GNG2: variants seen among roughly 807,000 people sequenced by gnomAD.
GNG2 encodes guanine nucleotide-binding protein G(I)/G(S)/G(O) subunit gamma-2.
In GNG2, 5 loss-of-function variants were observed where a neutral mutation model predicts 5.5. That is an observed-to-expected ratio of 0.91 (90% confidence interval 0.48 to 1.92). The LOEUF (loss-of-function observed/expected upper bound fraction) is 1.92. Among genes scored for constraint, GNG2 ranks in the 30% most tolerant of loss-of-function variants. The pLI is 0.01. For missense variants in GNG2, 55 were observed against 88.4 expected (o/e 0.62, Z 1.52); for synonymous variants, 28 against 32.0 (o/e 0.88, Z 0.42).
At chr14:51,832,607 A>G (rs1334499079) in intron 2 of GNG2, among the ~76,000 whole-genome samples, 1 of 152,236 alleles carries the variant, frequency 6.6e-6, no homozygotes, top group Non-Finnish European at 1.5e-5. Flanking sequence ...GAGGTCCAAG[A>G]TCAAGGTGCT....
At chr14:51,912,358 C>A (rs1886348803) in intron 2 of GNG2, among the ~76,000 whole-genome samples, 1 of 152,166 alleles carries the variant, frequency 6.6e-6, no homozygotes, top group Non-Finnish European at 1.5e-5. Flanking sequence ...CACCCCAACC[C>A]CCAAAATCCC....
At chr14:51,953,934 G>A (rs112465252) in intron 3 of GNG2, among the ~76,000 whole-genome samples, 22 of 152,230 alleles carry the variant, frequency 1.4e-4, no homozygotes, top group African/African-American at 2.2e-4. Context: ...CTTTATATAC[G>A]TCTGGCAGAA....
At chr14:51,875,832 TA>T (rs201555618) in intron 1 of GNG2, among the ~76,000 whole-genome samples, 2,089 of 151,500 alleles carry the variant, frequency 0.014, 24 homozygotes, top group Non-Finnish European at 0.019. Flanking sequence ...TACTTTATAA[TA>T]AAATAACCTT....
At chr14:51,899,623 TA>T in intron 2 of GNG2, among the ~76,000 whole-genome samples, 1 of 152,190 alleles carries the variant, frequency 6.6e-6, no homozygotes, top group Non-Finnish European at 1.5e-5. Context: ...AAAAAATTTT[TA>T]AAAATTTAAA....
rs540204195 is a variant in GNG2, at chr14:51,847,881, CTTTTTTTTTT to C, written c.64+20092_64+20101del. Reference sequence around the variant, plus strand: ...TACTCTATGAATACAGGTCCTTTTTCTTTTTTTTTTTTTTTTTTTTTTTTTTTGTAAAATG... The same window carrying C: ...TACTCTATGAATACAGGTCCTTTTTCTTTTTTTTTTTTTTTTTGTAAAATG... On this transcript the variant is annotated intron_variant, in intron 2 of 3. Coordinates refer to the GNG2 transcript ENST00000553432. Among the ~76,000 whole-genome samples, 27 of 48,202 alleles carry C rather than the reference CTTTTTTTTTT, an allele frequency of 5.6e-4. 1 individual carries two copies. The highest frequency in any genetic ancestry group is 1.2e-3 in the African/African-American group (23 of 18,480). The allele number at this position is 48,202 out of a possible 152,430, so 31.6% of individuals were successfully genotyped here. A position where few individuals can be genotyped will look rare whatever the true frequency, so the allele number is the denominator to read the frequency against.
At chr14:51,888,919 T>A (rs1192194992) in intron 2 of GNG2, among the ~76,000 whole-genome samples, 1 of 152,100 alleles carries the variant, frequency 6.6e-6, no homozygotes, top group Non-Finnish European at 1.5e-5. Flanking sequence ...TGCTACAACA[T>A]GGATGAACCC....
At chr14:51,955,561 G>A (rs1889228385) in intron 3 of GNG2, among the ~76,000 whole-genome samples, 1 of 152,132 alleles carries the variant, frequency 6.6e-6, no homozygotes, top group African/African-American at 2.4e-5. Context: ...CTTTAAATTT[G>A]TGTATTAAGA....
chr14:51,838,187 T>C (rs543257158), intron 2 of GNG2, among the ~76,000 whole-genome samples: 76 of 152,318 alleles, frequency 5.0e-4, no homozygotes, highest in Non-Finnish European at 1.0e-3. Flanking sequence ...TTAATGCCTG[T>C]AATCCCAGCA....
chr14:51,918,050 A>T (rs1886762634), intron 2 of GNG2, among the ~76,000 whole-genome samples: 1 of 152,000 alleles, frequency 6.6e-6, no homozygotes, highest in South Asian at 2.1e-4. Context: ...AAAAAAAAAA[A>T]AAAACTGATA....
intron 2 of GNG2, 54 bp downstream of exon 2, chr14:51,877,711 A>G (rs886484316): frequency 4.5e-6 from 2 of 444,184 alleles, no homozygotes; most frequent in African/African-American, 2.0e-5. Context: ...CAGAACTTAA[A>G]GAGGAAAAAA....
intron 2 of GNG2, among the ~76,000 whole-genome samples, chr14:51,920,958 T>C (rs1648050872): frequency 6.6e-6 from 1 of 152,344 alleles, no homozygotes; most frequent in Non-Finnish European, 1.5e-5. Flanking sequence ...ATTTTGGTTC[T>C]GCTGCAAACA....
At chr14:51,863,956 A>T (rs1454740405) in intron 1 of GNG2, among the ~76,000 whole-genome samples, 1 of 152,202 alleles carries the variant, frequency 6.6e-6, no homozygotes. Flanking sequence ...GGCTATTGTA[A>T]ATAATACTGC....
intron 2 of GNG2, chr14:51,914,259 G>A (rs1886472462): frequency 1.4e-6 from 1 of 702,228 alleles, no homozygotes. Context: ...ACATAAAACG[G>A]ACAAGCCAGA....
chr14:51,966,962 G>GCCCCCCCCCCCCCCC lies in GNG2; in HGVS notation c.*285_*286insCCCCCCCCCCCCCCC, dbSNP rs58532727. 2 of 106,164 alleles carry GCCCCCCCCCCCCCCC rather than the reference G, an allele frequency of 1.9e-5. No individual in the cohort carries two copies. Among genetic ancestry groups the GCCCCCCCCCCCCCCC allele is most frequent in the African/African-American group, 8.3e-5 (2 of 24,122 alleles). 6.6% of individuals were successfully genotyped at this position (106,164 alleles called of 1,614,324 possible). ...GTCACTTCTTTTCTGCTATCCCCCA[G>GCCCCCCCCCCCCCCC]CCCCCCCCCCAAAATCCTCATGTTT... On this transcript the variant is annotated 3_prime_UTR_variant, in exon 4 of 4. Transcript: ENST00000556766.
intron 2 of GNG2, among the ~76,000 whole-genome samples, chr14:51,914,433 G>A (rs143280073): frequency 6.6e-6 from 1 of 152,302 alleles, no homozygotes; most frequent in East Asian, 1.9e-4. Flanking sequence ...AGGTGCGGGA[G>A]GGATTAGAAT....
chr14:51,847,834 A>G (rs1448644223), intron 2 of GNG2, among the ~76,000 whole-genome samples: 2 of 145,092 alleles, frequency 1.4e-5, no homozygotes, highest in Non-Finnish European at 3.0e-5. Flanking sequence ...CGATATTCTA[A>G]TAGGCCAGGA....
intron 2 of GNG2, among the ~76,000 whole-genome samples, chr14:51,934,971 C>T (rs1037973819): frequency 6.6e-6 from 1 of 151,256 alleles, no homozygotes; most frequent in African/African-American, 2.4e-5. Flanking sequence ...GCTTTTTAGT[C>T]TCTGTAAAAC....
intron 2 of GNG2, among the ~76,000 whole-genome samples, chr14:51,938,126 G>A (rs371041452): frequency 3.9e-5 from 6 of 152,134 alleles, no homozygotes; most frequent in Admixed American, 6.5e-5. Flanking sequence ...ATTTTAAACC[G>A]CAATTTAGAA....
chr14:51,883,230 A>G (rs753178120), intron 2 of GNG2, among the ~76,000 whole-genome samples: 10 of 152,136 alleles, frequency 6.6e-5, no homozygotes, highest in African/African-American at 4.8e-5. Flanking sequence ...AAACTTTAGG[A>G]CTTTAAATTT....
Sources: allele counts gnomAD v4.1 joint callset (sites outside exome capture counted in the v4.1 genomes callset), GRCh38; gene constraint gnomAD v4.1.1; transcripts MANE v1.5; gene names NCBI Gene and HGNC (gene_info 2026-07-23, HGNC 2026-07-21).